DNAH8: variants seen among roughly 807,000 people sequenced by gnomAD.
DNAH8 encodes dynein axonemal heavy chain 8, also known as axonemal beta dynein heavy chain 8.
A neutral mutation model predicts 562.1 loss-of-function variants in DNAH8; 382 were observed. That is an observed-to-expected ratio of 0.68 (90% CI 0.63 to 0.74). The LOEUF (loss-of-function observed/expected upper bound fraction) is 0.74, where lower values mean the gene tolerates loss of function less well. Among genes scored for constraint, DNAH8 ranks in the 30% least tolerant of loss-of-function variants. The probability of loss-of-function intolerance (pLI) is 0.00; values close to 1 mark genes in which losing one functional copy is unlikely to be tolerated. For missense variants in DNAH8, 5,203 were observed against 5,620.4 expected (o/e 0.93, Z 2.37); for synonymous variants, 1,881 against 1,919.4 (o/e 0.98, Z 0.52).
At chr6:38,791,938 A>G (rs561052287) in intron 21 of DNAH8, among the ~76,000 whole-genome samples, 6 of 152,146 alleles carry the variant, frequency 3.9e-5, no homozygotes, top group South Asian at 2.1e-4. Context: ...GCTCTCTTCC[A>G]CTGTGCATGG....
At position 38,775,745 on chromosome 6, in the gene DNAH8, C is replaced by G. The variant is rs1767999643; in HGVS notation, c.1765-9C>G. ...TTTAAAAAAGCAAAATAACATTTCT[C>G]TTTTTAAGATTACAGAAATGATAAC... On this transcript the variant is annotated splice_polypyrimidine_tract_variant and intron_variant, in intron 12 of 92. Transcript: ENST00000327475. 6.4e-7 allele frequency: 1 copy of G among 1,550,996 alleles called. No homozygotes were observed. The highest frequency in any genetic ancestry group is 1.8e-5 in the Admixed American group (1 of 54,454).
At chr6:38,941,283 C>G (rs1783435676) in intron 79 of DNAH8, among the ~76,000 whole-genome samples, 1 of 152,170 alleles carries the variant, frequency 6.6e-6, no homozygotes, top group Non-Finnish European at 1.5e-5. Context: ...TACTTTTGTC[C>G]TCTGCAGCCT....
In DNAH8 at chr6:38,856,971, C is replaced by A. The variant is rs76909856; in HGVS notation, c.5734-547C>A. 3.7e-3 allele frequency among the ~76,000 whole-genome samples: 556 copies of A among 152,224 alleles called. 2 individuals carry two copies. The highest frequency in any genetic ancestry group is 0.014 in the Middle Eastern group (4 of 294). Reference sequence around the variant, plus strand: ...ACATCCTCTCACAGTTTCTTTATGACTTCATCAGGATACAAAGAATACAAG... The same window carrying A: ...ACATCCTCTCACAGTTTCTTTATGAATTCATCAGGATACAAAGAATACAAG... On this transcript the variant is annotated intron_variant, in intron 41 of 92. Coordinates refer to ENST00000327475, the MANE Select transcript of DNAH8 (RefSeq NM_001206927.2).
rs1192139208 is a variant in DNAH8 at position 38,994,034 on chromosome 6, G to A, written c.13214+3862G>A. ...TTTTGTACTTTTACTTGCAGTCTGT[G>A]AGTGCCCATTTTTTCAGAATCTCAT... On this transcript the variant is annotated intron_variant, in intron 88 of 92. Transcript: ENST00000327475. 2.0e-5 allele frequency among the ~76,000 whole-genome samples: 3 copies of A among 148,866 alleles called. No individual in the cohort carries two copies. The Admixed American group carries it at 2.0e-4, about 10-fold the overall frequency.
intron 5 of DNAH8, 61 bp from the exon 6 acceptor site, chr6:38,737,006 G>T: frequency 8.1e-7 from 1 of 1,234,752 alleles, no homozygotes; most frequent in South Asian, 2.1e-5. Flanking sequence ...AACAGGTTAT[G>T]ATTTTTCAGT....
At chr6:39,026,030 A>G (rs917026855) in intron 91 of DNAH8, among the ~76,000 whole-genome samples, 7 of 152,130 alleles carry the variant, frequency 4.6e-5, no homozygotes, top group African/African-American at 1.7e-4. Context: ...TTCCAGGGTG[A>G]TTGCTTTGTT....
chr6:38,746,961 G>A (rs1764996648), intron 8 of DNAH8, among the ~76,000 whole-genome samples: 1 of 151,988 alleles, frequency 6.6e-6, no homozygotes, highest in Non-Finnish European at 1.5e-5. Context: ...ATAAATTAAG[G>A]TTAACCTAAA....
At chr6:39,016,550 CAA>C (rs34460245) in intron 91 of DNAH8, among the ~76,000 whole-genome samples, 38 of 95,208 alleles carry the variant, frequency 4.0e-4, no homozygotes, top group Non-Finnish European at 3.9e-4. Context: ...GACTCTGTCT[CAA>C]AAAAAAAAAA....
chr6:38,906,177 G>C, intron 62 of DNAH8, 77 bp from the exon 63 acceptor site: 1 of 907,198 alleles, frequency 1.1e-6, no homozygotes, highest in Non-Finnish European at 1.6e-6. Context: ...AAAGTGCTGG[G>C]ATTACAGGTG....
At chr6:38,968,931 CT>C (rs1763155532) in intron 82 of DNAH8, among the ~76,000 whole-genome samples, 3 of 152,182 alleles carry the variant, frequency 2.0e-5, no homozygotes. Flanking sequence ...TATATCCATG[CT>C]GTGAACTCTT....
chr6:38,797,308 T>C (rs568762253), intron 21 of DNAH8, among the ~76,000 whole-genome samples: 1 of 152,262 alleles, frequency 6.6e-6, no homozygotes, highest in African/African-American at 2.4e-5. Flanking sequence ...CAGCTAGGCT[T>C]CTTAAGTCGA....
intron 78 of DNAH8, 127 bp downstream of exon 78, chr6:38,938,353 A>G (rs1783137403): frequency 2.8e-6 from 3 of 1,086,766 alleles, no homozygotes; most frequent in East Asian, 4.8e-5. Flanking sequence ...ATGCCCATCA[A>G]CAGTAGAGTG....
intron 24 of DNAH8, among the ~76,000 whole-genome samples, chr6:38,808,803 A>C (rs1771533709): frequency 6.6e-6 from 1 of 152,238 alleles, no homozygotes; most frequent in Non-Finnish European, 1.5e-5. Flanking sequence ...AAATGGATGA[A>C]GCTGGAAACC....
intron 74 of DNAH8, among the ~76,000 whole-genome samples, chr6:38,926,764 G>A (rs1304431489): frequency 4.1e-5 from 6 of 148,064 alleles, no homozygotes; most frequent in South Asian, 2.1e-4. Flanking sequence ...CTAAACCCCC[G>A]TCCCCATGTT....
At chr6:38,718,957 A>G (rs898164970) in intron 1 of DNAH8, among the ~76,000 whole-genome samples, 5 of 150,894 alleles carry the variant, frequency 3.3e-5, no homozygotes, top group Non-Finnish European at 5.9e-5. Flanking sequence ...CTTCTTGTTG[A>G]CTCCTACTTA....
rs1280279910 is a variant in DNAH8, at chr6:38,909,154, C to T, written c.9514-364C>T. 2.0e-5 allele frequency among the ~76,000 whole-genome samples: 3 copies of T among 152,170 alleles called. No homozygotes were observed. In the East Asian group the frequency reaches 5.8e-4, roughly 29 times the overall value. Reference sequence around the variant, plus strand: ...ATATTTGGAGAAGGTTTTTGCAAGGCTGTCTAAGTTGATTCCTTTTTAGAC... The same window carrying T: ...ATATTTGGAGAAGGTTTTTGCAAGGTTGTCTAAGTTGATTCCTTTTTAGAC... On this transcript the variant is annotated intron_variant, in intron 64 of 92. Coordinates refer to ENST00000327475, the MANE Select transcript of DNAH8 (RefSeq NM_001206927.2).
At chr6:38,823,335 G>T (rs1015878808) in intron 27 of DNAH8, among the ~76,000 whole-genome samples, 1 of 152,128 alleles carries the variant, frequency 6.6e-6, no homozygotes, top group Non-Finnish European at 1.5e-5. Flanking sequence ...TGTAGACCCA[G>T]CTGTATTTCG....
intron 8 of DNAH8, among the ~76,000 whole-genome samples, chr6:38,742,605 TTTTC>T (rs1187169288): frequency 6.6e-6 from 1 of 151,986 alleles, no homozygotes; most frequent in Non-Finnish European, 1.5e-5. Flanking sequence ...CCTGGCTTCT[TTTTC>T]TTTCTTTCTT....
intron 91 of DNAH8, among the ~76,000 whole-genome samples, chr6:39,018,290 G>A (rs541882704): frequency 7.9e-5 from 12 of 152,242 alleles, no homozygotes; most frequent in African/African-American, 2.2e-4. Flanking sequence ...ATCTGGCTGG[G>A]CTCCATCACT....
Sources: gnomAD v4.1 joint callset for allele counts (sites outside exome capture counted in the v4.1 genomes callset) on GRCh38, gnomAD v4.1.1 for gene constraint, MANE v1.5 for transcripts, NCBI Gene and HGNC (gene_info 2026-07-23, HGNC 2026-07-21) for gene names.